HADHB: variants seen among roughly 807,000 people sequenced by gnomAD.
HADHB encodes the protein trifunctional enzyme subunit beta, mitochondrial.
A neutral mutation model predicts 61.9 loss-of-function variants in HADHB; 50 were observed. That is an observed-to-expected ratio of 0.81 (90% CI 0.64 to 1.02). HADHB has a LOEUF of 1.02. Ranked by LOEUF, HADHB falls within the 50% of genes least tolerant of loss-of-function variation. The pLI is 0.00. For synonymous variants in HADHB, 191 were observed against 201.6 expected (o/e 0.95, Z 0.45); for missense variants, 504 against 586.5 (o/e 0.86, Z 1.45).
chr2:26,267,713 G>A (rs1250672278), intron 4 of HADHB, among the ~76,000 whole-genome samples: 5 of 151,044 alleles, frequency 3.3e-5, no homozygotes, highest in East Asian at 2.0e-4. Flanking sequence ...CAGAGGTTGC[G>A]GTGAGCCGAC....
intron 1 of HADHB, 140 bp downstream of exon 1, chr2:26,245,130 C>T (rs1236690949): frequency 9.3e-6 from 2 of 214,172 alleles, no homozygotes; most frequent in Admixed American, 1.0e-4. Context: ...AAGGAAACTC[C>T]TCGGACAAGG....
At chr2:26,253,296 G>GA (rs71399377) in intron 1 of HADHB, among the ~76,000 whole-genome samples, 30,649 of 151,996 alleles carry the variant, frequency 0.2, 3,159 homozygotes, top group Middle Eastern at 0.26. Context: ...ATCAAACTTT[G>GA]AAAAAGTTGC....
Position 26,290,311 on chromosome 2 carries a change from G to A in HADHB, c.*358G>A. 1 of 309,808 alleles carries A rather than the reference G, an allele frequency of 3.2e-6. No homozygotes were observed. Among genetic ancestry groups the A allele is most frequent in the East Asian group, 7.6e-5 (1 of 13,082 alleles). 19.2% of individuals were successfully genotyped at this position (309,808 alleles called of 1,614,324 possible). On this transcript the variant is annotated 3_prime_UTR_variant, in exon 16 of 16. Coordinates refer to ENST00000317799, the MANE Select transcript of HADHB (RefSeq NM_000183.3). ...TTGCAAATTATACTTGTTCTTATCT[G>A]TGTCCTAAAGATGTGTTCTCTATAA...
chr2:26,250,420 A>G (rs1448008595), intron 1 of HADHB, among the ~76,000 whole-genome samples: 1 of 152,120 alleles, frequency 6.6e-6, no homozygotes, highest in Non-Finnish European at 1.5e-5. Flanking sequence ...TGATTTTAGT[A>G]TATTTTACTA....
intron 10 of HADHB, among the ~76,000 whole-genome samples, chr2:26,282,154 TA>T (rs1283717618): frequency 6.6e-6 from 1 of 151,592 alleles, no homozygotes; most frequent in African/African-American, 2.4e-5. Flanking sequence ...TAAAAATAAA[TA>T]AATAAGAGAT....
rs891954464 is a variant in HADHB at position 26,280,083 on chromosome 2, G to A, written c.901G>A (p.Gly301Ser). The A allele has an allele frequency of 3.7e-6, 6 of 1,612,402 alleles. No homozygotes were observed. The highest frequency in any genetic ancestry group is 2.2e-5 in the East Asian group (1 of 44,872). The stretch of plus-strand genomic sequence containing the variant: ...AAAACCTGCATTCATCAAGCCCTAC[G>A]GCACAGTGACAGCTGCAAATTCTTC... ...KLKPAFIKPY[G>S]TVTAANSSFL... The change falls in exon 10 of 16, where the codon GGC becomes AGC. Residue 301 changes from glycine to serine, a missense_variant. Gly to Ser is a moderately conservative substitution (Grantham distance 56). Coordinates refer to ENST00000317799, the MANE Select transcript of HADHB (RefSeq NM_000183.3).
chr2:26,245,568 A>G (rs1414120013), intron 1 of HADHB: 1 of 151,882 alleles, frequency 6.6e-6, no homozygotes, highest in Admixed American at 6.6e-5. Context: ...CTGGTCGTTC[A>G]CACCTCAGCT....
Position 26,279,125 on chromosome 2 carries a change from C to T in HADHB, c.631-10C>T, listed in dbSNP as rs755945976. On this transcript the variant is annotated splice_polypyrimidine_tract_variant and intron_variant, in intron 8 of 15. Coordinates refer to ENST00000317799, the MANE Select transcript of HADHB (RefSeq NM_000183.3). ...CAGTGTACCTGCTCCTTGGATATCT[C>T]CTTTCCCAGCTCCCTGCGGTTTCTG... 1 of 1,610,988 alleles carries T rather than the reference C, an allele frequency of 6.2e-7. No individual in the cohort carries two copies. Among genetic ancestry groups the T allele is most frequent in the Non-Finnish European group, 8.5e-7 (1 of 1,177,170 alleles).
At chr2:26,253,452 C>T (rs911764291) in intron 1 of HADHB, among the ~76,000 whole-genome samples, 4 of 152,098 alleles carry the variant, frequency 2.6e-5, no homozygotes, top group African/African-American at 9.7e-5. Flanking sequence ...CCTTCAGAAT[C>T]GTGAAACTAA....
intron 3 of HADHB, among the ~76,000 whole-genome samples, chr2:26,256,909 T>A (rs572332782): frequency 1.1e-4 from 17 of 152,308 alleles, no homozygotes; most frequent in Non-Finnish European, 2.1e-4. Context: ...TAGGTGACTA[T>A]TGAATACATA....
At chr2:26,264,944 C>G (rs1202815421) in intron 4 of HADHB, among the ~76,000 whole-genome samples, 1 of 149,506 alleles carries the variant, frequency 6.7e-6, no homozygotes, top group Non-Finnish European at 1.5e-5. Context: ...GAGCCAAGAT[C>G]ATGCCACTGT....
chr2:26,248,950 G>A (rs1044128862), intron 1 of HADHB, among the ~76,000 whole-genome samples: 8 of 152,020 alleles, frequency 5.3e-5, no homozygotes, highest in South Asian at 2.1e-4. Context: ...TCAGCTACTC[G>A]GGAGGCTGAG....
chr2:26,267,765 C>CTT lies in HADHB; in HGVS notation c.210-2187_210-2186insTT, dbSNP rs530211559. Among the ~76,000 whole-genome samples, 29 of 134,340 alleles carry CTT rather than the reference C, an allele frequency of 2.2e-4. No individual in the cohort carries two copies. In the East Asian group the frequency reaches 8.2e-3, roughly 38 times the overall value. 88.1% of individuals were successfully genotyped at this position (134,340 alleles called of 152,430 possible). A position where few individuals can be genotyped will look rare whatever the true frequency, so the allele number is the denominator to read the frequency against. ...CCAGCCTGGGCAACAGAGTGAGACT[C>CTT]TGTCTCAAAAAAAAAAAAAAAAAAG... On this transcript the variant is annotated intron_variant, in intron 4 of 15. Transcript: ENST00000317799.
chr2:26,269,812 A>T, intron 4 of HADHB, 141 bp from the exon 5 acceptor site: 1 of 711,476 alleles, frequency 1.4e-6, no homozygotes, highest in Non-Finnish European at 2.6e-6. Context: ...TTCATTTGAA[A>T]TGATGGACTG....
rs187164634 is a variant in HADHB at position 26,257,973 on chromosome 2, C to T, written c.109+3499C>T. Among the ~76,000 whole-genome samples the T allele has an allele frequency of 7.2e-4, 109 of 151,844 alleles. 1 individual carries two copies. Among genetic ancestry groups the T allele is most frequent in the Middle Eastern group, 3.4e-3 (1 of 294 alleles). ...GGCAGAGCTTGCAGTGAGCCGAGAT[C>T]GTGCCACTGTACTCTAGCCTGGGGA... On this transcript the variant is annotated intron_variant, in intron 3 of 15. Coordinates refer to ENST00000317799, the MANE Select transcript of HADHB (RefSeq NM_000183.3).
intron 15 of HADHB, among the ~76,000 whole-genome samples, chr2:26,289,600 C>G (rs1197654416): frequency 6.6e-6 from 1 of 151,990 alleles, no homozygotes; most frequent in African/African-American, 2.4e-5. Context: ...TAGACAGAGC[C>G]TGATGCATAT....
At chr2:26,280,431 A>G (rs1408032260) in intron 10 of HADHB, among the ~76,000 whole-genome samples, 2 of 152,218 alleles carry the variant, frequency 1.3e-5, no homozygotes, top group Non-Finnish European at 2.9e-5. Flanking sequence ...AGATGCTGTG[A>G]TGGCTGTAAG....
At chr2:26,276,846 G>A (rs1672548540) in intron 6 of HADHB, among the ~76,000 whole-genome samples, 1 of 152,174 alleles carries the variant, frequency 6.6e-6, no homozygotes, top group Admixed American at 6.5e-5. Flanking sequence ...CCTCGTGTCT[G>A]CACTAGAAAC....
Position 26,269,998 on chromosome 2 carries a change from G to A in HADHB, c.254+1G>A, listed in dbSNP as rs776172237. 8.2e-6 allele frequency: 13 copies of A among 1,588,062 alleles called. No individual in the cohort carries two copies. Among genetic ancestry groups the A allele is most frequent in the African/African-American group, 4.0e-5 (3 of 74,410 alleles). Reference sequence around the variant, plus strand: ...ATGATTTGGCTAGAGCAGCGCTTACGTAAGTAAATGCAGTTTCATTTCCGT... The same window carrying A: ...ATGATTTGGCTAGAGCAGCGCTTACATAAGTAAATGCAGTTTCATTTCCGT... On this transcript the variant is annotated splice_donor_variant, in intron 5 of 15. Transcript: ENST00000317799. LOFTEE classifies it high-confidence loss of function.
Sources: allele counts gnomAD v4.1 joint callset (sites outside exome capture counted in the v4.1 genomes callset), GRCh38; gene constraint gnomAD v4.1.1; transcripts MANE v1.5; gene names NCBI Gene and HGNC (gene_info 2026-07-23, HGNC 2026-07-21).